Variants in FER1L6 observed in about 807,000 individuals in gnomAD.
FER1L6 encodes fer-1-like protein 6.
In FER1L6, 177 loss-of-function variants were observed where a neutral mutation model predicts 219.2. That is an observed-to-expected ratio of 0.81 (90% CI 0.71 to 0.91). The LOEUF (loss-of-function observed/expected upper bound fraction) is 0.91. Among genes scored for constraint, FER1L6 ranks in the 40% least tolerant of loss-of-function variants. FER1L6 has a pLI of 0.00. For missense variants in FER1L6, 2,153 were observed against 2,259.9 expected, an observed-to-expected ratio of 0.95 and a Z score of 0.96; for synonymous variants, 768 against 824.3, an observed-to-expected ratio of 0.93 and a Z score of 1.17.
intron 33 of FER1L6, among the ~76,000 whole-genome samples, chr8:124,088,587 C>T (rs1236604036): frequency 1.3e-5 from 2 of 151,972 alleles, no homozygotes; most frequent in African/African-American, 2.4e-5. Flanking sequence ...CTATCACTAC[C>T]ATAGCTGAAA....
intron 1 of FER1L6, among the ~76,000 whole-genome samples, chr8:123,950,319 C>T (rs1202496096): frequency 6.6e-6 from 1 of 152,158 alleles, no homozygotes; most frequent in African/African-American, 2.4e-5. Context: ...AAAAGATCCC[C>T]CAACCCTTGG....
chr8:124,057,195 G>A (rs549874928), intron 22 of FER1L6, among the ~76,000 whole-genome samples: 56 of 152,214 alleles, frequency 3.7e-4, no homozygotes, highest in African/African-American at 1.3e-3. Context: ...ACTATTTGAC[G>A]CTGTGCCCAT....
rs537872657 is a variant in FER1L6 at position 123,859,987 on chromosome 8, T to A, written c.-8+7802T>A. On this transcript the variant is annotated intron_variant, in intron 1 of 40. Coordinates refer to ENST00000522917, the MANE Select transcript of FER1L6 (RefSeq NM_001039112.2). ...TATTATTACTATTATTATTATTATT[T>A]TTTTAATTATACTTTAAGTTTTAGG... Among the ~76,000 whole-genome samples the A allele has an allele frequency of 6.7e-3, 983 of 146,682 alleles. 62 individuals carry two copies. The highest frequency in any genetic ancestry group is 0.023 in the African/African-American group (883 of 38,612).
At chr8:124,104,417 T>A (rs561330489) in intron 39 of FER1L6, among the ~76,000 whole-genome samples, 1 of 152,172 alleles carries the variant, frequency 6.6e-6, no homozygotes, top group South Asian at 2.1e-4. Flanking sequence ...AGGTGTGAAA[T>A]GCAGGGAAGG....
chr8:124,018,575 G>A (rs1298770530), intron 16 of FER1L6, among the ~76,000 whole-genome samples: 1 of 152,158 alleles, frequency 6.6e-6, no homozygotes, highest in East Asian at 1.9e-4. Flanking sequence ...TGGCTGAAGT[G>A]CTATCTCTGC....
At chr8:123,868,519 G>A (rs1025365288) in intron 1 of FER1L6, among the ~76,000 whole-genome samples, 9 of 152,056 alleles carry the variant, frequency 5.9e-5, no homozygotes, top group Non-Finnish European at 1.2e-4. Flanking sequence ...TAATGAAAAT[G>A]CATTCTAAAG....
chr8:123,894,964 C>G (rs1439346352), intron 1 of FER1L6, among the ~76,000 whole-genome samples: 2 of 152,130 alleles, frequency 1.3e-5, no homozygotes, highest in African/African-American at 4.8e-5. Flanking sequence ...AAAGTAGCTG[C>G]CTGTGAAATA....
At chr8:123,874,230 T>C (rs1254874272) in intron 1 of FER1L6, among the ~76,000 whole-genome samples, 1 of 152,200 alleles carries the variant, frequency 6.6e-6, no homozygotes, top group Non-Finnish European at 1.5e-5. Context: ...CCATTATCTC[T>C]TCTACTTTCC....
At chr8:124,102,998 A>G (rs1822608355) in intron 38 of FER1L6, 148 bp from the exon 39 acceptor site, 2 of 748,760 alleles carry the variant, frequency 2.7e-6, no homozygotes, top group South Asian at 3.7e-5. Flanking sequence ...TGTACTCCCA[A>G]TACCTAGCAC....
intron 31 of FER1L6, 70 bp from the exon 32 acceptor site, chr8:124,076,128 C>G: frequency 1.9e-6 from 3 of 1,581,964 alleles, no homozygotes; most frequent in Non-Finnish European, 2.6e-6. Context: ...TTGAAAGCAC[C>G]AAGGTAATCC....
At chr8:123,938,023 C>T (rs1347663885) in intron 1 of FER1L6, among the ~76,000 whole-genome samples, 1 of 152,164 alleles carries the variant, frequency 6.6e-6, no homozygotes, top group Non-Finnish European at 1.5e-5. Flanking sequence ...GCTAATGACA[C>T]CTGATCAGTG....
chr8:124,048,451 T>G (rs981770083), intron 21 of FER1L6, among the ~76,000 whole-genome samples: 1 of 152,194 alleles, frequency 6.6e-6, no homozygotes, highest in African/African-American at 2.4e-5. Context: ...CGCAGCCCCA[T>G]GCTGCCTCTG....
At chr8:123,914,304 G>A (rs557653380) in intron 1 of FER1L6, among the ~76,000 whole-genome samples, 50 of 152,288 alleles carry the variant, frequency 3.3e-4, no homozygotes, top group African/African-American at 1.1e-3. Context: ...TTCTAATGAT[G>A]TTTTTAGAAG....
At position 124,097,869 on chromosome 8, in the gene FER1L6, T is replaced by C. The variant is rs1586335415; in HGVS notation, c.4869T>C (p.Asp1623=). ...TCTTCACAGGCCAAAAATCAAGTGA[T>C]ATTTATGTGAAAGGGTAAGGTTATC... ...ENIFTGQKSS[D]IYVKGWLKGL... Residue 1623 remains aspartate (D), a synonymous_variant, in exon 37 of 41, where the codon GAT becomes GAC. Transcript: ENST00000522917. 1.3e-6 allele frequency: 2 copies of C among 1,572,630 alleles called. No homozygotes were observed. Among genetic ancestry groups the C allele is most frequent in the Non-Finnish European group, 1.8e-6 (2 of 1,142,238 alleles).
intron 22 of FER1L6, among the ~76,000 whole-genome samples, chr8:124,056,918 A>G (rs937859646): frequency 1.3e-5 from 2 of 151,984 alleles, no homozygotes; most frequent in Admixed American, 6.6e-5. Context: ...GTGGCGTGCA[A>G]TTGTAATCCC....
Position 123,857,068 on chromosome 8 carries a change from C to A in FER1L6, c.-8+4883C>A, listed in dbSNP as rs181528214. ...CACAGAGGGTACAAGTAGAGAATGT[C>A]TTTACTTTTTCCAACCACTGCCATC... On this transcript the variant is annotated intron_variant, in intron 1 of 40. Transcript: ENST00000522917. Among the ~76,000 whole-genome samples the A allele has an allele frequency of 2.6e-5, 4 of 152,274 alleles. No homozygotes were observed. In the East Asian group the frequency reaches 7.7e-4, roughly 29 times the overall value.
chr8:123,888,718 G>A (rs1413361555), intron 1 of FER1L6, among the ~76,000 whole-genome samples: 3 of 152,172 alleles, frequency 2.0e-5, no homozygotes, highest in Non-Finnish European at 2.9e-5. Flanking sequence ...AAGTTCAGCT[G>A]TGTGAACATG....
chr8:123,977,936 GCCT>G (rs1259556439), intron 10 of FER1L6, among the ~76,000 whole-genome samples: 1 of 152,188 alleles, frequency 6.6e-6, no homozygotes, highest in Non-Finnish European at 1.5e-5. Flanking sequence ...ATACTCACTT[GCCT>G]GCTGCTCATC....
intron 22 of FER1L6, among the ~76,000 whole-genome samples, chr8:124,050,621 G>C (rs1379014332): frequency 1.3e-5 from 2 of 152,078 alleles, no homozygotes; most frequent in African/African-American, 2.4e-5. Context: ...TTATATAATA[G>C]AATTCTATAG....
Sources: gnomAD v4.1 joint callset for allele counts (sites outside exome capture counted in the v4.1 genomes callset) on GRCh38, gnomAD v4.1.1 for gene constraint, MANE v1.5 for transcripts, NCBI Gene and HGNC (gene_info 2026-07-23, HGNC 2026-07-21) for gene names.